The following AKR1C8 variants were observed in gnomAD, a reference collection of about 807,000 sequenced individuals.
AKR1C8 encodes the protein aldo-keto reductase family 1 member C8, also known as aldo-keto reductase family 1 member C-like protein 1.
chr10:5,118,492 G>T, the AKR1C8 span, among the ~76,000 whole-genome samples: 15 of 152,310 alleles, frequency 9.8e-5, no homozygotes, highest in African/African-American at 3.6e-4. Context: ...TACACAGAAA[G>T]GTGGAGGGAA....
the AKR1C8 span, among the ~76,000 whole-genome samples, chr10:5,170,719 ATAAGT>A: frequency 1.3e-5 from 2 of 152,148 alleles, no homozygotes; most frequent in Admixed American, 6.5e-5. Flanking sequence ...TATTGGCTTC[ATAAGT>A]TAAGTTTGAT....
At chr10:5,172,277 C>G in the AKR1C8 span, among the ~76,000 whole-genome samples, 1 of 152,012 alleles carries the variant, frequency 6.6e-6, no homozygotes, top group African/African-American at 2.4e-5. Flanking sequence ...TTCTGATATG[C>G]CTTAATTTTT....
At chr10:5,164,290 A>G in the AKR1C8 span, among the ~76,000 whole-genome samples, 1 of 151,846 alleles carries the variant, frequency 6.6e-6, no homozygotes, top group Non-Finnish European at 1.5e-5. Flanking sequence ...CCCAGACCCA[A>G]CCTCACAGAT....
chr10:5,138,168 G>C, the AKR1C8 span, among the ~76,000 whole-genome samples: 2 of 152,100 alleles, frequency 1.3e-5, no homozygotes, highest in Admixed American at 1.3e-4. Flanking sequence ...CCAGAGTGGA[G>C]TTTTTCCACA....
the AKR1C8 span, chr10:5,161,902 G>T: frequency 3.7e-6 from 2 of 534,578 alleles, no homozygotes; most frequent in South Asian, 2.8e-5. Context: ...TACATAGTCC[G>T]GTCCAAGTTT....
chr10:5,118,987 T>C, the AKR1C8 span, among the ~76,000 whole-genome samples: 1 of 152,076 alleles, frequency 6.6e-6, no homozygotes, highest in Non-Finnish European at 1.5e-5. Flanking sequence ...CCCCTACTTA[T>C]CAAATGTGCG....
At chr10:5,132,769 C>T in the AKR1C8 span, 6 of 1,325,732 alleles carry the variant, frequency 4.5e-6, no homozygotes, top group African/African-American at 1.5e-5. Flanking sequence ...TTCCTAGGAA[C>T]CCGGAGGAGT....
the AKR1C8 span, among the ~76,000 whole-genome samples, chr10:5,121,629 G>A: frequency 1.3e-5 from 2 of 151,972 alleles, no homozygotes; most frequent in Admixed American, 6.6e-5. Flanking sequence ...TAGGACCTAC[G>A]CACATTTACC....
At chr10:5,144,160 G>C in the AKR1C8 span, among the ~76,000 whole-genome samples, 11 of 152,108 alleles carry the variant, frequency 7.2e-5, no homozygotes, top group Non-Finnish European at 1.2e-4. Context: ...TTTTTCTCAG[G>C]TTTGTCAAAG....
At chr10:5,167,341 T>C in the AKR1C8 span, among the ~76,000 whole-genome samples, 8 of 152,294 alleles carry the variant, frequency 5.3e-5, no homozygotes, top group South Asian at 1.2e-3. Flanking sequence ...ACACATATGT[T>C]TATTGCGGCA....
the AKR1C8 span, among the ~76,000 whole-genome samples, chr10:5,144,653 A>T: frequency 6.6e-6 from 1 of 152,036 alleles, no homozygotes; most frequent in Non-Finnish European, 1.5e-5. Context: ...ATGGGAATTC[A>T]CTCATGATTT....
chr10:5,130,228 T>C, the AKR1C8 span, among the ~76,000 whole-genome samples: 1 of 151,994 alleles, frequency 6.6e-6, no homozygotes, highest in East Asian at 1.9e-4. Flanking sequence ...CATTGCTTTA[T>C]GATTAAAACC....
chr10:5,119,417 A>G, the AKR1C8 span, among the ~76,000 whole-genome samples: 1 of 152,218 alleles, frequency 6.6e-6, no homozygotes, highest in Non-Finnish European at 1.5e-5. Context: ...AGATGATTTC[A>G]TGATTGTAAA....
the AKR1C8 span, among the ~76,000 whole-genome samples, chr10:5,127,592 G>A: frequency 1.6e-5 from 2 of 126,654 alleles, no homozygotes; most frequent in African/African-American, 5.6e-5. Flanking sequence ...GCTGGCATGT[G>A]CCTGTAATCC....
chr10:5,161,952 C>G, the AKR1C8 span: 3 of 533,810 alleles, frequency 5.6e-6, no homozygotes, highest in Non-Finnish European at 7.7e-6. Context: ...CCAATTCTGC[C>G]CGAAAGAAAG....
the AKR1C8 span, among the ~76,000 whole-genome samples, chr10:5,129,847 A>T: frequency 3.8e-4 from 58 of 152,040 alleles, 1 homozygote; most frequent in South Asian, 0.011. Flanking sequence ...ATTCAAAAAG[A>T]AGTTGGTACG....
At chr10:5,138,907 A>C in the AKR1C8 span, among the ~76,000 whole-genome samples, 1 of 152,080 alleles carries the variant, frequency 6.6e-6, no homozygotes, top group African/African-American at 2.4e-5. Context: ...TATCTAGAAA[A>C]CCCCAACATC....
At chr10:5,184,434 GCTT>G in the AKR1C8 span, among the ~76,000 whole-genome samples, 12 of 152,144 alleles carry the variant, frequency 7.9e-5, no homozygotes, top group African/African-American at 2.9e-4. Flanking sequence ...AATCGCAGTG[GCTT>G]CTTATATAGC....
chr10:5,130,777 C>T, the AKR1C8 span, among the ~76,000 whole-genome samples: 1 of 151,630 alleles, frequency 6.6e-6, no homozygotes, highest in Non-Finnish European at 1.5e-5. Context: ...AGAAATGATA[C>T]ATAAGACAAA....
Sources: gnomAD v4.1 joint callset for allele counts (sites outside exome capture counted in the v4.1 genomes callset) on GRCh38, gnomAD v4.1.1 for gene constraint, MANE v1.5 for transcripts, NCBI Gene and HGNC (gene_info 2026-07-23, HGNC 2026-07-21) for gene names.